Variants in ANKFN1 observed in about 807,000 individuals in gnomAD.
ANKFN1 encodes the protein ankyrin repeat and fibronectin type-III domain-containing protein 1.
ANKFN1 carries 74 observed loss-of-function variants against 108.7 expected under a neutral mutation model. That is an observed-to-expected ratio of 0.68 (90% CI 0.56 to 0.83). ANKFN1 has a LOEUF of 0.83. ANKFN1 is among the 40% of genes least tolerant of loss of function. The pLI is 0.00. For synonymous variants in ANKFN1, 547 were observed against 516.2 expected (o/e 1.06, Z -0.81); for missense variants, 1,505 against 1,382.3 (o/e 1.09, Z -1.41).
chr17:56,449,322 T>C, intron 11 of ANKFN1, 136 bp downstream of exon 11: 1 of 563,032 alleles, frequency 1.8e-6, no homozygotes, highest in Non-Finnish European at 3.0e-6. Flanking sequence ...TGGAATCACT[T>C]TACAGCACTA....
chr17:56,162,143 C>G (rs546027724), intron 1 of ANKFN1, among the ~76,000 whole-genome samples: 7 of 152,268 alleles, frequency 4.6e-5, no homozygotes, highest in Non-Finnish European at 1.0e-4. Context: ...ATACATAAAA[C>G]TAAGGAGAGG....
At chr17:56,351,480 G>A (rs2046247705) in intron 5 of ANKFN1, among the ~76,000 whole-genome samples, 1 of 151,638 alleles carries the variant, frequency 6.6e-6, no homozygotes, top group Admixed American at 6.6e-5. Flanking sequence ...GAAAATATTG[G>A]GTATAAGAAT....
At chr17:56,211,737 G>A (rs1915028511) in intron 1 of ANKFN1, among the ~76,000 whole-genome samples, 1 of 152,166 alleles carries the variant, frequency 6.6e-6, no homozygotes, top group Non-Finnish European at 1.5e-5. Context: ...CAATCCATGA[G>A]CATGTGATGT....
intron 3 of ANKFN1, among the ~76,000 whole-genome samples, chr17:56,255,699 G>T (rs1246206737): frequency 6.6e-6 from 1 of 152,056 alleles, no homozygotes; most frequent in Non-Finnish European, 1.5e-5. Flanking sequence ...CTTTTCACTG[G>T]GCTATTATAT....
rs149688029 is a variant in ANKFN1, at chr17:56,466,411, G to A, written c.1613G>A (p.Arg538Gln). ...GTTTACTATGAGCCCATTAAAGATC[G>A]ACATGGAAACATACTCATAGTCACC... ...GRVYYEPIKD[R>Q]HGNILIVTIR... The change falls in exon 15 of 21, where the codon CGA becomes CAA. Residue 538 changes from arginine to glutamine, a missense_variant. Physicochemically the swap from Arg to Gln is conservative, Grantham distance 43. Transcript: ENST00000682825. 2,111 of 1,614,090 alleles carry A rather than the reference G, an allele frequency of 1.3e-3. 2 individuals carry two copies. Among genetic ancestry groups the A allele is most frequent in the Non-Finnish European group, 1.6e-3 (1,869 of 1,180,014 alleles).
At chr17:56,300,464 T>A (rs2144363446) in intron 3 of ANKFN1, among the ~76,000 whole-genome samples, 1 of 152,302 alleles carries the variant, frequency 6.6e-6, no homozygotes, top group African/African-American at 2.4e-5. Context: ...AATCCACATG[T>A]TTCTGTTTCC....
At position 56,353,820 on chromosome 17, in the gene ANKFN1, T is replaced by A; in HGVS notation, c.391-16T>A. 1 of 1,613,166 alleles carries A rather than the reference T, an allele frequency of 6.2e-7. No individual in the cohort carries two copies. The highest frequency in any genetic ancestry group is 8.5e-7 in the Non-Finnish European group (1 of 1,179,360). On this transcript the variant is annotated splice_polypyrimidine_tract_variant and intron_variant, in intron 5 of 20. Transcript: ENST00000682825. ...GGTTTAAGAAATTGTGCTGATCTACTTTTGCTCCTCTCTAGAATTTCCAGG... is the reference window on the plus strand; with the variant it reads ...GGTTTAAGAAATTGTGCTGATCTACATTTGCTCCTCTCTAGAATTTCCAGG...
chr17:56,094,678 T>TTTTTG (rs749250444), intron 4 of ANKFN1, among the ~76,000 whole-genome samples: 1,150 of 104,694 alleles, frequency 0.011, 48 homozygotes, highest in Non-Finnish European at 0.02. Flanking sequence ...TAATTGGGTT[T>TTTTTG]TTTTTTTTTT....
upstream of ANKFN1, among the ~76,000 whole-genome samples, chr17:56,150,716 C>T (rs1363695055): frequency 6.6e-6 from 1 of 152,114 alleles, no homozygotes; most frequent in Non-Finnish European, 1.5e-5. Flanking sequence ...CTTCCTGCCA[C>T]TGTAGTGTAA....
intron 4 of ANKFN1, among the ~76,000 whole-genome samples, chr17:56,145,499 T>A (rs1021452281): frequency 2.0e-5 from 3 of 152,038 alleles, no homozygotes; most frequent in African/African-American, 7.2e-5. Context: ...AGCAGCAGGA[T>A]TGAGTGTCAA....
At chr17:56,349,839 G>A (rs1328423530) in intron 4 of ANKFN1, among the ~76,000 whole-genome samples, 1 of 152,200 alleles carries the variant, frequency 6.6e-6, no homozygotes, top group African/African-American at 2.4e-5. Context: ...TCCAGAGAAC[G>A]CTGGGCCCAG....
At chr17:56,393,023 C>T (rs7207168) in intron 8 of ANKFN1, among the ~76,000 whole-genome samples, 201 of 152,186 alleles carry the variant, frequency 1.3e-3, no homozygotes, top group African/African-American at 4.3e-3. Context: ...CTTTTTCCTG[C>T]CTTAGGTCAT....
chr17:56,159,915 G>A (rs950031327), intron 1 of ANKFN1, among the ~76,000 whole-genome samples: 3 of 146,780 alleles, frequency 2.0e-5, no homozygotes, highest in Non-Finnish European at 3.0e-5. Context: ...CGGGGCAGGG[G>A]ATAGGAGTAA....
intron 14 of ANKFN1, among the ~76,000 whole-genome samples, chr17:56,460,845 T>A (rs1413201164): frequency 6.6e-6 from 1 of 152,154 alleles, no homozygotes; most frequent in Non-Finnish European, 1.5e-5. Flanking sequence ...ATTCTCTTCC[T>A]TACACCCAAA....
intron 3 of ANKFN1, among the ~76,000 whole-genome samples, chr17:56,316,980 A>G (rs1055983196): frequency 1.3e-5 from 2 of 152,220 alleles, no homozygotes; most frequent in East Asian, 3.8e-4. Flanking sequence ...TTCCTGATAA[A>G]TAACACACGT....
intron 1 of ANKFN1, among the ~76,000 whole-genome samples, chr17:56,189,240 G>A (rs1295189835): frequency 7.3e-6 from 1 of 136,316 alleles, no homozygotes; most frequent in African/African-American, 2.9e-5. Flanking sequence ...GCGGGATCTC[G>A]GCTCACTGCA....
intron 11 of ANKFN1, among the ~76,000 whole-genome samples, chr17:56,455,627 C>A (rs2049663694): frequency 6.6e-6 from 1 of 152,148 alleles, no homozygotes; most frequent in Non-Finnish European, 1.5e-5. Context: ...CCCTTCATTG[C>A]ATAGAATATG....
chr17:56,131,421 G>C (rs140975490), intron 4 of ANKFN1, among the ~76,000 whole-genome samples: 6 of 152,226 alleles, frequency 3.9e-5, no homozygotes, highest in Admixed American at 3.9e-4. Flanking sequence ...AGCACTTAAG[G>C]CCACTAAATC....
intron 19 of ANKFN1, among the ~76,000 whole-genome samples, chr17:56,493,444 G>C (rs2051102501): frequency 6.6e-6 from 1 of 152,100 alleles, no homozygotes; most frequent in African/African-American, 2.4e-5. Context: ...AACAGATGAG[G>C]CAGACAGAGC....
Sources: gnomAD v4.1 joint callset for allele counts (sites outside exome capture counted in the v4.1 genomes callset) on GRCh38, gnomAD v4.1.1 for gene constraint, MANE v1.5 for transcripts, NCBI Gene and HGNC (gene_info 2026-07-23, HGNC 2026-07-21) for gene names.